COQ10A: variants seen among roughly 807,000 people sequenced by gnomAD.
COQ10A encodes the protein coenzyme Q10A.
A neutral mutation model predicts 26.1 loss-of-function variants in COQ10A; 25 were observed. The observed-to-expected ratio is 0.96, with a 90% CI of 0.70 to 1.34. The LOEUF (loss-of-function observed/expected upper bound fraction) is 1.34. Ranked by LOEUF, COQ10A falls within the 40% of genes most tolerant of loss-of-function variation. The pLI, the probability that COQ10A is intolerant of heterozygous loss-of-function variation, is 0.00. For synonymous variants in COQ10A, 132 were observed against 124.0 expected (o/e 1.06, Z -0.43); for missense variants, 312 against 335.4 (o/e 0.93, Z 0.54).
chr12:56,267,757 G>C (rs746002950), intron 1 of COQ10A, 37 bp from the exon 2 acceptor site: 6 of 1,613,728 alleles, frequency 3.7e-6, no homozygotes, highest in Non-Finnish European at 4.2e-6. Flanking sequence ...GGATTACGAA[G>C]AACTATACGG....
intron 4 of COQ10A, chr12:56,269,787 C>G (rs536518502): frequency 1.2e-4 from 64 of 536,660 alleles, no homozygotes; most frequent in African/African-American, 9.1e-4. Context: ...GCTACCAAGC[C>G]CGACTGATTT....
rs1432551654 is a variant in COQ10A, at chr12:56,267,122, G to A, written c.4G>A (p.Ala2Thr). 1.5e-6 allele frequency: 2 copies of A among 1,297,168 alleles called. No individual in the cohort carries two copies. The highest frequency in any genetic ancestry group is 1.6e-5 in the African/African-American group (1 of 64,416). The allele number at this position is 1,297,168 out of a possible 1,614,324, so 80.4% of individuals were successfully genotyped here. A position where few individuals can be genotyped will look rare whatever the true frequency, so the allele number is the denominator to read the frequency against. Reference sequence around the variant, plus strand: ...AGGGCCAGGCAGGGTCGCGCGCATGGCCTGGGCGGGCTCGCGGCGGGTCCC... The same window carrying A: ...AGGGCCAGGCAGGGTCGCGCGCATGACCTGGGCGGGCTCGCGGCGGGTCCC... M[A>T]WAGSRRVPAG... Residue 2 changes from alanine to threonine, a missense_variant, in exon 1 of 5, where the codon GCC (alanine) becomes ACC (threonine). Transcript: ENST00000308197.
Position 56,266,992 on chromosome 12 carries a change from C to G in COQ10A, c.-127C>G. On this transcript the variant is annotated 5_prime_UTR_variant, in exon 1 of 5. Coordinates refer to ENST00000308197, the MANE Select transcript of COQ10A (RefSeq NM_144576.4). ...ACGGGAGCAAGGCGAGAGGTGCTGC[C>G]GCCTCCCGTCGCCCCTGCGCTCAGA... The G allele has an allele frequency of 1.0e-6, 1 of 992,628 alleles. No individual in the cohort carries two copies. Among genetic ancestry groups the G allele is most frequent in the Non-Finnish European group, 1.3e-6 (1 of 782,322 alleles). 61.5% of individuals were successfully genotyped at this position (992,628 alleles called of 1,614,324 possible). A position where few individuals can be genotyped will look rare whatever the true frequency, so the allele number is the denominator to read the frequency against.
chr12:56,266,993 G>A lies in COQ10A; in HGVS notation c.-126G>A, dbSNP rs902380310. ...CGGGAGCAAGGCGAGAGGTGCTGCC[G>A]CCTCCCGTCGCCCCTGCGCTCAGAG... On this transcript the variant is annotated 5_prime_UTR_variant, in exon 1 of 5. Coordinates refer to ENST00000308197, the MANE Select transcript of COQ10A (RefSeq NM_144576.4). 1 of 995,808 alleles carries A rather than the reference G, an allele frequency of 1.0e-6. No homozygotes were observed. Among genetic ancestry groups the A allele is most frequent in the Non-Finnish European group, 1.3e-6 (1 of 785,266 alleles). 61.7% of individuals were successfully genotyped at this position (995,808 alleles called of 1,614,324 possible). A position where few individuals can be genotyped will look rare whatever the true frequency, so the allele number is the denominator to read the frequency against.
chr12:56,267,555 C>G (rs1872386861), intron 1 of COQ10A: 6 of 1,250,744 alleles, frequency 4.8e-6, no homozygotes, highest in Non-Finnish European at 7.0e-6. Context: ...ACTGGCGCTT[C>G]CCACACACCC....
Position 56,269,541 on chromosome 12 carries a change from A to G in COQ10A, c.556A>G (p.Thr186Ala). The G allele has an allele frequency of 2.5e-6, 4 of 1,613,866 alleles. No individual in the cohort carries two copies. Among genetic ancestry groups the G allele is most frequent in the Non-Finnish European group, 3.4e-6 (4 of 1,179,782 alleles). The change falls in exon 4 of 5, where the codon ACC becomes GCC. Residue 186 changes from threonine to alanine, a missense_variant. Physicochemically the swap from Thr to Ala is moderately conservative, Grantham distance 58. Transcript: ENST00000308197. Reference sequence around the variant, plus strand: ...CCCTGGTATTCCTGCCTATCCTCGAACCTGCACTGTGGACTTTTCGGTGAG... The same window carrying G: ...CCCTGGTATTCCTGCCTATCCTCGAGCCTGCACTGTGGACTTTTCGGTGAG... Reference protein sequence around the residue: ...FSPGIPAYPRTCTVDFSISFE... With the variant: ...FSPGIPAYPRACTVDFSISFE...
chr12:56,267,391 G>A (rs1872380492), intron 1 of COQ10A, 139 bp downstream of exon 1: 1 of 1,613,852 alleles, frequency 6.2e-7, no homozygotes, highest in African/African-American at 1.3e-5. Flanking sequence ...GTAGAGCTTT[G>A]GATAATGCTT....
At chr12:56,270,118 G>C in intron 4 of COQ10A, 32 bp from the exon 5 acceptor site, 5 of 1,602,736 alleles carry the variant, frequency 3.1e-6, no homozygotes, top group Non-Finnish European at 3.4e-6. Context: ...ACATGGTCTG[G>C]AAGTTTCTGA....
At chr12:56,269,318 T>TTAA in intron 3 of COQ10A, 67 bp downstream of exon 3, 1 of 1,549,672 alleles carries the variant, frequency 6.5e-7, no homozygotes, top group Admixed American at 1.7e-5. Context: ...AAAGTGCTAT[T>TTAA]TTGGCCTTCC....
chr12:56,267,877 T>A lies in COQ10A; in HGVS notation c.218T>A (p.Phe73Tyr), dbSNP rs371728983. The stretch of plus-strand genomic sequence containing the variant: ...GCTGGCTTACCTTCGAGCCGTTCCT[T>A]CATGGGATTTGCTGCTCCCTTCACC... ...AEAGLPSSRS[F>Y]MGFAAPFTNK... Residue 73 changes from phenylalanine (F) to tyrosine (Y), a missense_variant, in exon 2 of 5, where the codon TTC (phenylalanine) becomes TAC (tyrosine). Phe to Tyr is a conservative substitution (Grantham distance 22, BLOSUM62 3). Coordinates refer to ENST00000308197, the MANE Select transcript of COQ10A (RefSeq NM_144576.4). 7.4e-6 allele frequency: 12 copies of A among 1,614,096 alleles called. No individual in the cohort carries two copies. The highest frequency in any genetic ancestry group is 1.3e-5 in the African/African-American group (1 of 74,940).
Position 56,267,780 on chromosome 12 carries a change from T to A in COQ10A, c.135-14T>A. On this transcript the variant is annotated splice_polypyrimidine_tract_variant and intron_variant, in intron 1 of 4. Transcript: ENST00000308197. ...AAGAACTATACGGTTGGCTCCTCTT[T>A]CCTTTGGCCTTAGGTTTCTGACCTC... The A allele has an allele frequency of 6.2e-7, 1 of 1,614,164 alleles. No homozygotes were observed. Among genetic ancestry groups the A allele is most frequent in the South Asian group, 1.1e-5 (1 of 91,074 alleles).
At position 56,267,841 on chromosome 12, in the gene COQ10A, T is replaced by C; in HGVS notation, c.182T>C (p.Leu61Ser). 1.2e-6 allele frequency: 2 copies of C among 1,614,184 alleles called. No homozygotes were observed. Among genetic ancestry groups the C allele is most frequent in the Non-Finnish European group, 1.7e-6 (2 of 1,180,028 alleles). The change falls in exon 2 of 5, where the codon TTG becomes TCG. Residue 61 changes from leucine to serine, a missense_variant. By Grantham distance (145) the Leu-to-Ser change is moderately radical. Transcript: ENST00000308197. ...CTCTTGCCTCGGGCTGCCCAGATCTTGGCGGCTGAGGCTGGCTTACCTTCG... is the reference window on the plus strand; with the variant it reads ...CTCTTGCCTCGGGCTGCCCAGATCTCGGCGGCTGAGGCTGGCTTACCTTCG... Reference protein sequence around the residue: ...SLLLPRAAQILAAEAGLPSSR... With the variant: ...SLLLPRAAQISAAEAGLPSSR...
In COQ10A at chr12:56,270,349, C is replaced by T. The variant is rs1345326365; in HGVS notation, c.*32C>T. 6.3e-7 allele frequency: 1 copy of T among 1,599,934 alleles called. No homozygotes were observed. The highest frequency in any genetic ancestry group is 1.7e-5 in the Admixed American group (1 of 59,282). Reference sequence around the variant, plus strand: ...GGATTGCTCCCTGACCTCCCTTCTACCCCACTTCCCTACACAATTCTCTTA... The same window carrying T: ...GGATTGCTCCCTGACCTCCCTTCTATCCCACTTCCCTACACAATTCTCTTA... On this transcript the variant is annotated 3_prime_UTR_variant, in exon 5 of 5. Coordinates refer to ENST00000308197, the MANE Select transcript of COQ10A (RefSeq NM_144576.4).
chr12:56,268,923 T>C, intron 2 of COQ10A, 136 bp from the exon 3 acceptor site: 1 of 676,112 alleles, frequency 1.5e-6, no homozygotes, highest in South Asian at 1.9e-5. Context: ...TGGGAAGTTA[T>C]TCATCCAGGC....
chr12:56,267,082 C>T lies in COQ10A; in HGVS notation c.-37C>T, dbSNP rs1872368005. The T allele has an allele frequency of 1.3e-5, 17 of 1,261,614 alleles. No homozygotes were observed. Among genetic ancestry groups the T allele is most frequent in the Non-Finnish European group, 1.7e-5 (17 of 1,005,224 alleles). The allele number at this position is 1,261,614 out of a possible 1,614,324, so 78.2% of individuals were successfully genotyped here. A position where few individuals can be genotyped will look rare whatever the true frequency, so the allele number is the denominator to read the frequency against. ...CCTTTGGAGTGAGGAGGGCGCAGCCCGCGTCAGAACTTAGAGGGCCAGGCA... is the reference window on the plus strand; with the variant it reads ...CCTTTGGAGTGAGGAGGGCGCAGCCTGCGTCAGAACTTAGAGGGCCAGGCA... On this transcript the variant is annotated 5_prime_UTR_variant, in exon 1 of 5. Coordinates refer to ENST00000308197, the MANE Select transcript of COQ10A (RefSeq NM_144576.4).
chr12:56,270,193 C>A lies in COQ10A; in HGVS notation c.620C>A (p.Thr207Asn), dbSNP rs1323894089. ...FRSLLHSQLA[T>N]MFFDEVVKQN... ...TCTCTGCTGCACTCCCAGCTGGCCA[C>A]CATGTTTTTTGATGAGGTTGTCAAA... The change falls in exon 5 of 5, where the codon ACC becomes AAC. Residue 207 changes from threonine (T) to asparagine (N), a missense_variant. Physicochemically the swap from Thr to Asn is moderately conservative, Grantham distance 65 (BLOSUM62 0). Coordinates refer to ENST00000308197, the MANE Select transcript of COQ10A (RefSeq NM_144576.4). The A allele has an allele frequency of 2.5e-6, 4 of 1,614,126 alleles. No homozygotes were observed. The highest frequency in any genetic ancestry group is 3.4e-6 in the Non-Finnish European group (4 of 1,180,008).
intron 2 of COQ10A, 185 bp from the exon 3 acceptor site, chr12:56,268,874 A>T (rs113080044): frequency 7.0e-6 from 4 of 569,326 alleles, no homozygotes; most frequent in African/African-American, 3.7e-5. Context: ...ACTGCAAAAT[A>T]TAAGGTAACA....
At chr12:56,270,108 A>G in intron 4 of COQ10A, 42 bp from the exon 5 acceptor site, 1 of 1,592,308 alleles carries the variant, frequency 6.3e-7, no homozygotes, top group Non-Finnish European at 8.6e-7. Flanking sequence ...GGACTATCCA[A>G]CATGGTCTGG....
chr12:56,269,659 G>C, intron 4 of COQ10A, 98 bp downstream of exon 4: 3 of 909,816 alleles, frequency 3.3e-6, no homozygotes, highest in Non-Finnish European at 5.5e-6. Context: ...ATGGAGTCTT[G>C]CTCCGTCACC....
Sources: allele counts gnomAD v4.1 joint callset, GRCh38; gene constraint gnomAD v4.1.1; transcripts MANE v1.5; gene names NCBI Gene and HGNC (gene_info 2026-07-23, HGNC 2026-07-21).